Variants in SAMD12 observed in about 807,000 individuals in gnomAD.
SAMD12 encodes the protein sterile alpha motif domain containing 12.
SAMD12 carries 9 observed loss-of-function variants against 15.0 expected under a neutral mutation model. That is an observed-to-expected ratio of 0.60 (90% confidence interval 0.36 to 1.05). The LOEUF is 1.05. SAMD12 is among the 50% of genes least tolerant of loss of function. SAMD12 has a pLI of 0.01. For missense variants in SAMD12, 230 were observed against 234.2 expected, an observed-to-expected ratio of 0.98 and a Z score of 0.12; for synonymous variants, 86 against 90.1, an observed-to-expected ratio of 0.96 and a Z score of 0.25.
chr8:118,339,886 C>T lies in SAMD12; in HGVS notation c.433+39674G>A, dbSNP rs961139329. Among the ~76,000 whole-genome samples the T allele has an allele frequency of 2.2e-4, 33 of 152,224 alleles. 1 individual carries two copies. The highest frequency in any genetic ancestry group is 8.0e-4 in the African/African-American group (33 of 41,460). On this transcript the variant is annotated intron_variant, in intron 4 of 4. Transcript: ENST00000409003. ...TATGGGTGTGAACAGAGGCCAAGCA[C>T]AGATGAAATGGTGTTTCTGAATAAA...
At chr8:118,178,122 T>C in the SAMD12 span, among the ~76,000 whole-genome samples, 2,495 of 152,242 alleles carry the variant, frequency 0.016, 35 homozygotes, top group South Asian at 0.075. Context: ...GTTTTTCTTA[T>C]TATTTTATAA....
chr8:118,435,518 G>C (rs559206769), intron 3 of SAMD12, among the ~76,000 whole-genome samples: 1 of 152,230 alleles, frequency 6.6e-6, no homozygotes, highest in Non-Finnish European at 1.5e-5. Flanking sequence ...TGCCACCAAA[G>C]AGCAGGTATC....
chr8:118,411,319 C>A (rs954066316), intron 3 of SAMD12, among the ~76,000 whole-genome samples: 1 of 152,150 alleles, frequency 6.6e-6, no homozygotes, highest in Admixed American at 6.5e-5. Flanking sequence ...TGCTTCCCAG[C>A]AAACATCATC....
intron 4 of SAMD12, among the ~76,000 whole-genome samples, chr8:118,197,998 C>G (rs948265465): frequency 2.0e-5 from 3 of 152,212 alleles, no homozygotes; most frequent in Non-Finnish European, 4.4e-5. Context: ...AAAACCAGAT[C>G]TCTGGAATTG....
the SAMD12 span, among the ~76,000 whole-genome samples, chr8:118,164,975 ATGTG>A: frequency 0.028 from 4,008 of 144,140 alleles, 154 homozygotes; most frequent in African/African-American, 0.088. Flanking sequence ...CTGACACTAG[ATGTG>A]TGTGTGTGTG....
chr8:118,620,485 AAG>A (rs375190828), intron 1 of SAMD12, among the ~76,000 whole-genome samples: 2 of 151,012 alleles, frequency 1.3e-5, no homozygotes, highest in African/African-American at 4.9e-5. Flanking sequence ...TCTTGATTGT[AAG>A]AGAGAGAGAG....
chr8:118,284,788 A>G (rs1190633640), intron 4 of SAMD12: 3 of 156,670 alleles, frequency 1.9e-5, no homozygotes, highest in African/African-American at 7.2e-5. Flanking sequence ...TAAAAATACA[A>G]AAAATTAGCC....
At chr8:118,315,579 A>G (rs1815850668) in intron 4 of SAMD12, among the ~76,000 whole-genome samples, 1 of 152,176 alleles carries the variant, frequency 6.6e-6, no homozygotes, top group Non-Finnish European at 1.5e-5. Context: ...GTGATGAAAC[A>G]TAGACTTGTT....
intron 4 of SAMD12, among the ~76,000 whole-genome samples, chr8:118,272,151 C>T (rs1415111018): frequency 1.3e-5 from 2 of 152,220 alleles, no homozygotes; most frequent in African/African-American, 4.8e-5. Flanking sequence ...TCCATACATC[C>T]TCTGAAATCC....
At chr8:118,549,279 C>A (rs1330260727) in intron 2 of SAMD12, among the ~76,000 whole-genome samples, 1 of 152,212 alleles carries the variant, frequency 6.6e-6, no homozygotes, top group African/African-American at 2.4e-5. Flanking sequence ...GAGGCACCCC[C>A]CAAGTAGGGG....
At chr8:118,274,557 C>A (rs1191372885) in intron 4 of SAMD12, among the ~76,000 whole-genome samples, 1 of 152,154 alleles carries the variant, frequency 6.6e-6, no homozygotes, top group Non-Finnish European at 1.5e-5. Flanking sequence ...TTCCCTGATT[C>A]CATCCCTCCC....
intron 4 of SAMD12, among the ~76,000 whole-genome samples, chr8:118,250,976 C>T (rs762138010): frequency 2.0e-5 from 3 of 152,126 alleles, no homozygotes; most frequent in African/African-American, 4.8e-5. Context: ...TTCACACTCA[C>T]TCCTCACCAC....
intron 4 of SAMD12, among the ~76,000 whole-genome samples, chr8:118,215,711 A>T (rs1013173345): frequency 1.3e-5 from 2 of 150,458 alleles, no homozygotes; most frequent in South Asian, 2.1e-4. Context: ...GAGAATATGC[A>T]GTGTTTGGTT....
intron 3 of SAMD12, among the ~76,000 whole-genome samples, chr8:118,437,932 C>T (rs1822621213): frequency 6.6e-6 from 1 of 152,184 alleles, no homozygotes; most frequent in Non-Finnish European, 1.5e-5. Context: ...AAAGATAACA[C>T]TGCTTTCAAA....
chr8:118,166,119 T>A, the SAMD12 span, among the ~76,000 whole-genome samples: 12 of 152,186 alleles, frequency 7.9e-5, no homozygotes, highest in African/African-American at 2.7e-4. Flanking sequence ...ACTGGCACAT[T>A]TTTTTCTTGT....
At chr8:118,548,417 A>C (rs1006872407) in intron 2 of SAMD12, among the ~76,000 whole-genome samples, 20 of 129,792 alleles carry the variant, frequency 1.5e-4, no homozygotes, top group African/African-American at 4.6e-4. Context: ...ACACACACAC[A>C]CACACACCCC....
At chr8:118,137,375 C>G in the SAMD12 span, among the ~76,000 whole-genome samples, 1 of 152,182 alleles carries the variant, frequency 6.6e-6, no homozygotes, top group African/African-American at 2.4e-5. Context: ...CATCTGCCTT[C>G]CAGAAAAACT....
intron 4 of SAMD12, among the ~76,000 whole-genome samples, chr8:118,350,962 C>T (rs1817935321): frequency 6.6e-6 from 1 of 152,162 alleles, no homozygotes; most frequent in African/African-American, 2.4e-5. Flanking sequence ...TATTTTACTT[C>T]AGTTCTTTTG....
chr8:118,510,687 A>G (rs76783865), intron 2 of SAMD12, among the ~76,000 whole-genome samples: 3,566 of 152,262 alleles, frequency 0.023, 113 homozygotes, highest in African/African-American at 0.076. Flanking sequence ...TGTTGGTCAG[A>G]TTTAGGTATT....
Sources: allele counts gnomAD v4.1 joint callset (sites outside exome capture counted in the v4.1 genomes callset), GRCh38; gene constraint gnomAD v4.1.1; transcripts MANE v1.5; gene names NCBI Gene and HGNC (gene_info 2026-07-23, HGNC 2026-07-21).